Variants in ANKRD50 observed in about 807,000 individuals in gnomAD.
The protein encoded by ANKRD50 is ankyrin repeat domain 50, also known as ankyrin repeat domain-containing protein 50.
In ANKRD50, 40 loss-of-function variants were observed where a neutral mutation model predicts 112.0. That is an observed-to-expected ratio of 0.36 (90% CI 0.28 to 0.46). The LOEUF (loss-of-function observed/expected upper bound fraction) is 0.46. Among genes scored for constraint, ANKRD50 ranks in the 20% least tolerant of loss-of-function variants. The pLI is 1.00. For missense variants in ANKRD50, 1,487 were observed against 1,701.7 expected (o/e 0.87, Z 2.22); for synonymous variants, 613 against 619.1 (o/e 0.99, Z 0.15).
In ANKRD50 at chr4:124,672,397, G is replaced by T. The variant is rs1167818184; in HGVS notation, c.880C>A (p.Gln294Lys). ...LTKETAEMLN[Q>K]LHIKSSGCFL... is the part of the protein sequence containing the mutation. ...CATCCACTGCTTTTAATGTGCAGTTGATTTAACATCTCTGCAGTTTCTTTT... is the reference window on the plus strand; with the variant it reads ...CATCCACTGCTTTTAATGTGCAGTTTATTTAACATCTCTGCAGTTTCTTTT... The change falls in exon 4 of 5, where the codon CAA (glutamine) becomes AAA (lysine). Residue 294 changes from glutamine to lysine, a missense_variant. This residue lies in a region of ANKRD50 where 1,046 missense variants were observed against 1,269.5 expected (regional missense o/e 0.82). Coordinates refer to ENST00000504087, the MANE Select transcript of ANKRD50 (RefSeq NM_020337.3). 5.0e-6 allele frequency: 8 copies of T among 1,613,120 alleles called. No homozygotes were observed. The highest frequency in any genetic ancestry group is 1.7e-5 in the Admixed American group (1 of 59,836).
chr4:124,690,913 T>C (rs925105274), intron 2 of ANKRD50, among the ~76,000 whole-genome samples: 2 of 152,206 alleles, frequency 1.3e-5, no homozygotes, highest in Non-Finnish European at 2.9e-5. Flanking sequence ...TTTTCAGAGA[T>C]ACATTGTCTG....
intron 2 of ANKRD50, among the ~76,000 whole-genome samples, chr4:124,688,955 G>T (rs1265007030): frequency 6.6e-6 from 1 of 152,114 alleles, no homozygotes; most frequent in African/African-American, 2.4e-5. Context: ...ATCCTTTAGA[G>T]ATCAGCTCAA....
chr4:124,709,928 C>T, intron 2 of ANKRD50, 72 bp downstream of exon 2: 1 of 1,528,694 alleles, frequency 6.5e-7, no homozygotes, highest in Non-Finnish European at 8.7e-7. Flanking sequence ...AAAGTTAAAA[C>T]AAAAAACTAC....
chr4:124,708,653 A>T (rs945917110), intron 2 of ANKRD50, among the ~76,000 whole-genome samples: 1 of 150,950 alleles, frequency 6.6e-6, no homozygotes, highest in African/African-American at 2.4e-5. Context: ...TCCTCTTCCC[A>T]TCAAGTCCCC....
At position 124,682,322 on chromosome 4, in the gene ANKRD50, C is replaced by CAA. The variant is rs36107017; in HGVS notation, c.513-3419_513-3418dup. Among the ~76,000 whole-genome samples the CAA allele has an allele frequency of 2.8e-3, 247 of 87,520 alleles. 14 individuals carry two copies. The highest frequency in any genetic ancestry group is 7.5e-3 in the African/African-American group (165 of 22,086). The allele number at this position is 87,520 out of a possible 152,430, so 57.4% of individuals were successfully genotyped here. A position where few individuals can be genotyped will look rare whatever the true frequency, so the allele number is the denominator to read the frequency against. ...TGGGCGACAGAGCAAGACTCCGTCT[C>CAA]AAAAAAAAAAAAAAAAAAAAAAAAA... is the stretch of plus-strand genomic sequence containing the variant. On this transcript the variant is annotated intron_variant, in intron 2 of 4. Coordinates refer to ENST00000504087, the MANE Select transcript of ANKRD50 (RefSeq NM_020337.3).
chr4:124,678,891 G>A lies in ANKRD50; in HGVS notation c.527C>T (p.Pro176Leu). The A allele has an allele frequency of 6.2e-7, 1 of 1,611,838 alleles. No individual in the cohort carries two copies. The highest frequency in any genetic ancestry group is 8.5e-7 in the Non-Finnish European group (1 of 1,178,096). Residue 176 changes from proline to leucine, a missense_variant, in exon 3 of 5, where the codon CCT becomes CTT. Coordinates refer to ENST00000504087, the MANE Select transcript of ANKRD50 (RefSeq NM_020337.3). ...CTGGGGAGGCTTCATTCCCAGAAGA[G>A]GGAGTAGAACACACCTGTAAAACAC... ...AEAFKRCVLL[P>L]LLGMKPPQQS...
chr4:124,682,018 G>A (rs969353406), intron 2 of ANKRD50, among the ~76,000 whole-genome samples: 4 of 151,778 alleles, frequency 2.6e-5, no homozygotes, highest in Admixed American at 6.6e-5. Flanking sequence ...CTTATTTTAC[G>A]GCCCAGAGTA....
chr4:124,697,868 G>A (rs1399318724), intron 2 of ANKRD50, among the ~76,000 whole-genome samples: 1 of 152,032 alleles, frequency 6.6e-6, no homozygotes, highest in South Asian at 2.1e-4. Context: ...GATGAGTTAT[G>A]TCAGGTATTT....
chr4:124,671,071 C>T lies in ANKRD50; in HGVS notation c.2206G>A (p.Asp736Asn). The part of the protein sequence containing the change: ...GHASVVSLLI[D>N]RGAEVDHCDK... ...CAATGATCTACTTCAGCACCTCGAT[C>T]AATTAAAAGGCTAACAACTGATGCG... The change falls in exon 4 of 5, where the codon GAT becomes AAT. Residue 736 changes from aspartate (D) to asparagine (N), a missense_variant. By Grantham distance (23) the Asp-to-Asn change is conservative (BLOSUM62 1). This residue lies in a region of ANKRD50 where 1,046 missense variants were observed against 1,269.5 expected (regional missense o/e 0.82). Transcript: ENST00000504087. 6.2e-7 allele frequency: 1 copy of T among 1,613,786 alleles called. No homozygotes were observed. The highest frequency in any genetic ancestry group is 8.5e-7 in the Non-Finnish European group (1 of 1,179,844).
Position 124,678,861 on chromosome 4 carries a change from C to T in ANKRD50, c.557G>A (p.Ser186Asn), listed in dbSNP as rs141713653. The T allele has an allele frequency of 4.3e-6, 7 of 1,613,632 alleles. No homozygotes were observed. Among genetic ancestry groups the T allele is most frequent in the South Asian group, 3.3e-5 (3 of 91,080 alleles). Residue 186 changes from serine to asparagine, a missense_variant, in exon 3 of 5, where the codon AGC becomes AAC. Physicochemically the swap from Ser to Asn is conservative, Grantham distance 46 (BLOSUM62 1). This residue lies in a region of ANKRD50 where 1,046 missense variants were observed against 1,269.5 expected (regional missense o/e 0.82). Coordinates refer to ENST00000504087, the MANE Select transcript of ANKRD50 (RefSeq NM_020337.3). ...AACAGAATCAACAAGCAGGTATAGG[C>T]TTTGCTGGGGAGGCTTCATTCCCAG... ...PLLGMKPPQQ[S>N]LYLLVDSVDE...
chr4:124,703,575 G>A (rs891832708), intron 2 of ANKRD50, among the ~76,000 whole-genome samples: 3 of 151,984 alleles, frequency 2.0e-5, no homozygotes, highest in African/African-American at 4.8e-5. Context: ...CCAAATTAGA[G>A]CATGCAGGGC....
At position 124,668,999 on chromosome 4, in the gene ANKRD50, T is replaced by C; in HGVS notation, c.4278A>G (p.Glu1426=). 6.2e-7 allele frequency: 1 copy of C among 1,602,620 alleles called. No individual in the cohort carries two copies. The change falls in exon 4 of 5, where the codon GAA becomes GAG. Residue 1426 remains glutamate (E), a synonymous_variant. Coordinates refer to ENST00000504087, the MANE Select transcript of ANKRD50 (RefSeq NM_020337.3). ...AAAATATTACCTTTTATAATGGTGT[T>C]TCCTTTTTATAGTTGAAGCTAGGGT... ...GSDPSFNYKK[E]TPL
chr4:124,683,603 A>G (rs1724940285), intron 2 of ANKRD50, among the ~76,000 whole-genome samples: 1 of 151,578 alleles, frequency 6.6e-6, no homozygotes, highest in African/African-American at 2.4e-5. Context: ...GTGCCTAGGA[A>G]TCATATTTCT....
intron 2 of ANKRD50, among the ~76,000 whole-genome samples, chr4:124,690,312 G>C (rs926662536): frequency 1.3e-5 from 2 of 152,148 alleles, no homozygotes; most frequent in African/African-American, 4.8e-5. Context: ...CCAGCTTCCA[G>C]AAAAATGGCA....
intron 2 of ANKRD50, among the ~76,000 whole-genome samples, chr4:124,703,203 G>GA (rs1044491432): frequency 2.8e-4 from 43 of 151,768 alleles, no homozygotes; most frequent in African/African-American, 9.2e-4. Flanking sequence ...TACAAATACT[G>GA]AAAAAAAATA....
chr4:124,710,050 G>A lies in ANKRD50; in HGVS notation c.462C>T (p.Ser154=), dbSNP rs1725594050. Residue 154 remains serine, a synonymous_variant, in exon 2 of 5, where the codon AGC becomes AGT. Coordinates refer to ENST00000504087, the MANE Select transcript of ANKRD50 (RefSeq NM_020337.3). Reference sequence around the variant, plus strand: ...TCTCGCACTCCCCAGGCTGTAAGAGGCTTTGGACTGCTGGATCCCTTAGCT... The same window carrying A: ...TCTCGCACTCCCCAGGCTGTAAGAGACTTTGGACTGCTGGATCCCTTAGCT... ...EDKLRDPAVQ[S]LLQPGECERN... The A allele has an allele frequency of 3.1e-6, 5 of 1,613,996 alleles. No individual in the cohort carries two copies. Among genetic ancestry groups the A allele is most frequent in the Non-Finnish European group, 3.4e-6 (4 of 1,180,034 alleles).
intron 2 of ANKRD50, among the ~76,000 whole-genome samples, chr4:124,691,380 T>TACTC (rs1725133286): frequency 6.7e-6 from 1 of 149,654 alleles, no homozygotes; most frequent in Non-Finnish European, 1.5e-5. Flanking sequence ...TAGTCCCAGC[T>TACTC]ACTCGGGAGG....
chr4:124,676,140 T>A (rs1357668297), intron 3 of ANKRD50, among the ~76,000 whole-genome samples: 1 of 151,696 alleles, frequency 6.6e-6, no homozygotes, highest in East Asian at 1.9e-4. Flanking sequence ...TATAGAAGGA[T>A]AACTGGAAAA....
At chr4:124,698,414 T>C (rs561158456) in intron 2 of ANKRD50, among the ~76,000 whole-genome samples, 20 of 151,852 alleles carry the variant, frequency 1.3e-4, no homozygotes, top group Admixed American at 9.2e-4. Context: ...TACTATTTCA[T>C]TTTATTTACT....
Sources: gnomAD v4.1 joint callset for allele counts (sites outside exome capture counted in the v4.1 genomes callset) on GRCh38, gnomAD v4.1.1 for gene constraint, gnomAD v4.1.1 regional missense constraint, MANE v1.5 for transcripts, NCBI Gene and HGNC (gene_info 2026-07-23, HGNC 2026-07-21) for gene names.